Variants in COMMD10 observed in about 807,000 individuals in gnomAD.
COMMD10 encodes the protein COMM domain containing 10, also known as COMM domain-containing protein 10.
In COMMD10, 33 loss-of-function variants were observed where a neutral mutation model predicts 28.9. That is an observed-to-expected ratio of 1.14 (90% CI 0.87 to 1.53). The LOEUF (loss-of-function observed/expected upper bound fraction) is 1.53. Ranked by LOEUF, COMMD10 falls within the 40% of genes most tolerant of loss-of-function variation. The pLI, the probability that COMMD10 is intolerant of heterozygous loss-of-function variation, is 0.00. For synonymous variants in COMMD10, 110 were observed against 81.7 expected, an observed-to-expected ratio of 1.35 and a Z score of -1.87; for missense variants, 310 against 233.4, an observed-to-expected ratio of 1.33 and a Z score of -2.14.
intron 5 of COMMD10, among the ~76,000 whole-genome samples, chr5:116,269,430 C>A (rs551110790): frequency 6.6e-6 from 1 of 151,768 alleles, no homozygotes; most frequent in South Asian, 2.1e-4. Context: ...TTATGACTTT[C>A]ACATTTTACT....
At chr5:116,138,895 C>T (rs2112778743) in intron 5 of COMMD10, among the ~76,000 whole-genome samples, 1 of 151,724 alleles carries the variant, frequency 6.6e-6, no homozygotes, top group South Asian at 2.1e-4. Flanking sequence ...CATAGTATCA[C>T]TTCTTTTTGT....
chr5:116,199,988 T>C (rs376575202), intron 5 of COMMD10, among the ~76,000 whole-genome samples: 1 of 152,144 alleles, frequency 6.6e-6, no homozygotes, highest in East Asian at 1.9e-4. Context: ...TTTTCAATTT[T>C]TGTGGATACA....
intron 5 of COMMD10, among the ~76,000 whole-genome samples, chr5:116,210,651 C>A (rs547713059): frequency 5.1e-4 from 78 of 152,148 alleles, no homozygotes; most frequent in Non-Finnish European, 1.1e-3. Context: ...TACAGTCTAT[C>A]AACAAATCCT....
intron 5 of COMMD10, among the ~76,000 whole-genome samples, chr5:116,251,355 A>G (rs1426501503): frequency 6.7e-6 from 1 of 148,174 alleles, no homozygotes; most frequent in Admixed American, 6.7e-5. Flanking sequence ...GGTTAGTTAC[A>G]TACGTATACA....
At chr5:116,184,312 A>C (rs1373427186) in intron 5 of COMMD10, among the ~76,000 whole-genome samples, 1 of 35,680 alleles carries the variant, frequency 2.8e-5, no homozygotes, top group African/African-American at 8.8e-5. Context: ...TATATATCTG[A>C]CCTTTTTTTT....
intron 4 of COMMD10, among the ~76,000 whole-genome samples, chr5:116,118,998 T>G (rs1177039094): frequency 6.6e-6 from 1 of 152,216 alleles, no homozygotes; most frequent in African/African-American, 2.4e-5. Context: ...TTAAATAGAG[T>G]TGATGTACTT....
chr5:116,116,788 G>C, intron 4 of COMMD10, among the ~76,000 whole-genome samples: 1 of 148,932 alleles, frequency 6.7e-6, no homozygotes, highest in Admixed American at 6.8e-5. Flanking sequence ...GCGCAATCTC[G>C]GCTCACTGCA....
chr5:116,149,384 C>G (rs1752441672), intron 5 of COMMD10, among the ~76,000 whole-genome samples: 1 of 146,522 alleles, frequency 6.8e-6, no homozygotes, highest in Admixed American at 6.8e-5. Flanking sequence ...AGTGGGATGG[C>G]TGGGTCAAAT....
intron 5 of COMMD10, among the ~76,000 whole-genome samples, chr5:116,155,438 T>C (rs1368017485): frequency 6.6e-6 from 1 of 152,138 alleles, no homozygotes; most frequent in East Asian, 1.9e-4. Context: ...CATTTTCTAC[T>C]GATTTTAGCA....
At position 116,292,468 on chromosome 5, in the gene COMMD10, A is replaced by G. The variant is rs201209993; in HGVS notation, c.588A>G (p.Ala196=). ...GTAAATAGCTAGAGACTATACAAGC[A>G]CAGCTGGATTCCCTTACATGATGTT... ...DFYNKLETIQ[A]QLDSLT is the part of the protein sequence containing the mutation. The change falls in exon 7 of 7, where the codon GCA becomes GCG. Residue 196 remains alanine (A), a synonymous_variant. Transcript: ENST00000274458. The G allele has an allele frequency of 1.9e-6, 3 of 1,569,338 alleles. No homozygotes were observed. The highest frequency in any genetic ancestry group is 2.6e-6 in the Non-Finnish European group (3 of 1,158,086).
At chr5:116,141,854 CT>C (rs1169567385) in intron 5 of COMMD10, among the ~76,000 whole-genome samples, 1 of 151,744 alleles carries the variant, frequency 6.6e-6, no homozygotes, top group East Asian at 1.9e-4. Flanking sequence ...GTTCATTTAA[CT>C]TTTTTGTGGC....
rs900462157 is a variant in COMMD10 at position 116,292,381 on chromosome 5, C to G, written c.571-70C>G. 4.9e-6 allele frequency: 5 copies of G among 1,024,798 alleles called. No individual in the cohort carries two copies. In the East Asian group the frequency reaches 1.1e-4, roughly 22 times the overall value. 63.5% of individuals were successfully genotyped at this position (1,024,798 alleles called of 1,614,324 possible). The stretch of plus-strand genomic sequence containing the variant: ...TTTTTTCCTTTCTATTTGCATGTGT[C>G]TGAATAACACTTGATATGAGTTTCG... On this transcript the variant is annotated intron_variant, in intron 6 of 6. Coordinates refer to ENST00000274458, the MANE Select transcript of COMMD10 (RefSeq NM_016144.4).
At chr5:116,232,880 CAA>C (rs986387000) in intron 5 of COMMD10, among the ~76,000 whole-genome samples, 1 of 152,050 alleles carries the variant, frequency 6.6e-6, no homozygotes, top group African/African-American at 2.4e-5. Context: ...CAGGACAAGA[CAA>C]AGAGAAGTTA....
At chr5:116,135,636 A>G (rs997818244) in intron 5 of COMMD10, among the ~76,000 whole-genome samples, 1 of 152,258 alleles carries the variant, frequency 6.6e-6, no homozygotes, top group Non-Finnish European at 1.5e-5. Flanking sequence ...GACCACGTCC[A>G]CATAACTTTA....
At chr5:116,111,057 T>C (rs1381568839) in intron 4 of COMMD10, among the ~76,000 whole-genome samples, 2 of 152,224 alleles carry the variant, frequency 1.3e-5, no homozygotes, top group Non-Finnish European at 2.9e-5. Flanking sequence ...TTTTCTAGTT[T>C]ATGAACATGT....
intron 4 of COMMD10, among the ~76,000 whole-genome samples, chr5:116,102,309 C>T (rs1394083358): frequency 2.0e-5 from 3 of 152,064 alleles, no homozygotes; most frequent in Admixed American, 6.6e-5. Context: ...TTATTGAAAA[C>T]GTTGTCTTTT....
At chr5:116,143,030 A>G (rs995543383) in intron 5 of COMMD10, among the ~76,000 whole-genome samples, 1 of 147,434 alleles carries the variant, frequency 6.8e-6, no homozygotes, top group African/African-American at 2.5e-5. Context: ...AATAACAGCA[A>G]TACAGAAATG....
chr5:116,238,896 G>T (rs1035563272), intron 5 of COMMD10, among the ~76,000 whole-genome samples: 1 of 152,200 alleles, frequency 6.6e-6, no homozygotes, highest in East Asian at 1.9e-4. Context: ...TTGTTTAGAC[G>T]AACGATTTGG....
chr5:116,276,993 C>A (rs1408975903), intron 5 of COMMD10, among the ~76,000 whole-genome samples: 1 of 151,628 alleles, frequency 6.6e-6, no homozygotes, highest in Admixed American at 6.6e-5. Context: ...TTCTAAAAAC[C>A]ATTGAATTAT....
Sources: allele counts gnomAD v4.1 joint callset (sites outside exome capture counted in the v4.1 genomes callset), GRCh38; gene constraint gnomAD v4.1.1; transcripts MANE v1.5; gene names NCBI Gene and HGNC (gene_info 2026-07-23, HGNC 2026-07-21).